IQANK1: variants seen among roughly 807,000 people sequenced by gnomAD.
IQANK1 encodes IQ motif and ankyrin repeat domain-containing protein 1.
IQANK1 carries 30 observed loss-of-function variants against 22.6 expected under a neutral mutation model. That is an observed-to-expected ratio of 1.33 (90% CI 0.99 to 1.80). IQANK1 has a LOEUF of 1.80. Among genes scored for constraint, IQANK1 ranks in the 40% most tolerant of loss-of-function variants. The pLI is 0.00. For missense variants in IQANK1, 275 were observed against 235.2 expected, an observed-to-expected ratio of 1.17 and a Z score of -1.11; for synonymous variants, 122 against 99.6, an observed-to-expected ratio of 1.23 and a Z score of -1.34.
chr8:143,740,733 C>T (rs1201188775), intron 3 of IQANK1, among the ~76,000 whole-genome samples: 1 of 152,224 alleles, frequency 6.6e-6, no homozygotes, highest in Non-Finnish European at 1.5e-5. Context: ...CACCTGTCCT[C>T]CCCAGCCCAG....
At chr8:143,764,999 C>T (rs1440935396) in intron 3 of IQANK1, among the ~76,000 whole-genome samples, 3 of 152,146 alleles carry the variant, frequency 2.0e-5, no homozygotes, top group African/African-American at 4.8e-5. Flanking sequence ...CAAATGTGTT[C>T]ACCATTCCCT....
chr8:143,777,068 G>A (rs1355277788), intron 7 of IQANK1, among the ~76,000 whole-genome samples: 2 of 152,110 alleles, frequency 1.3e-5, no homozygotes, highest in Non-Finnish European at 2.9e-5. Flanking sequence ...GGAGGCTGAA[G>A]TGAGACGTGA....
Position 143,774,579 on chromosome 8 carries a change from T to C in IQANK1, c.789+2097T>C, listed in dbSNP as rs1267094358. On this transcript the variant is annotated intron_variant, in intron 7 of 13. Coordinates refer to ENST00000527139, the MANE Select transcript of IQANK1 (RefSeq NM_001381874.1). The surrounding 1 kb of genome is among the most constrained non-coding windows in gnomAD (Gnocchi z 4.2). The stretch of plus-strand genomic sequence containing the variant: ...GGGGACGCAGCACCAGTACAGCCGC[T>C]CTTGCAAATAGGCAGGCGGTTTCTT... Among the ~76,000 whole-genome samples the C allele has an allele frequency of 6.6e-6, 1 of 152,196 alleles. No homozygotes were observed. Among genetic ancestry groups the C allele is most frequent in the Non-Finnish European group, 1.5e-5 (1 of 68,030 alleles).
At position 143,739,908 on chromosome 8, in the gene IQANK1, G is replaced by C; in HGVS notation, c.135G>C (p.Ala45=). The C allele has an allele frequency of 1.4e-6, 1 of 698,422 alleles. No homozygotes were observed. The highest frequency in any genetic ancestry group is 1.5e-5 in the South Asian group (1 of 66,782). 43.3% of individuals were successfully genotyped at this position (698,422 alleles called of 1,614,324 possible). The change falls in exon 3 of 14, where the codon GCG becomes GCC. Residue 45 remains alanine (A), a synonymous_variant. Transcript: ENST00000527139. ...RPPQRKAGWQ[A]REPASAESPQ... ...CGCAGAGGAAAGCGGGCTGGCAGGC[G>C]AGGGAGCCCGCGTCGGCTGAGAGCC...
chr8:143,749,027 AAAATATAAATATATATCATATATT>A (rs1819121398), intron 3 of IQANK1, among the ~76,000 whole-genome samples: 1 of 121,794 alleles, frequency 8.2e-6, no homozygotes, highest in Non-Finnish European at 1.6e-5. Flanking sequence ...ATAAAATATA[AAAATATAAATATATATCATATATT>A]AAATATAAAT....
At chr8:143,737,664 G>C (rs554727855) in intron 2 of IQANK1, among the ~76,000 whole-genome samples, 2 of 152,344 alleles carry the variant, frequency 1.3e-5, no homozygotes, top group Admixed American at 6.5e-5. Flanking sequence ...TGGGTCTGCA[G>C]TGCTTCGAAG....
rs1819577928 is a variant in IQANK1, at chr8:143,771,714, G to T, written c.307-87G>T. ...CGTGGTGGGGGTGAGGCTCAGATCG[G>T]GCTCCGACCTCAGAGGCGTGGACCG... On this transcript the variant is annotated intron_variant, in intron 4 of 13. Transcript: ENST00000527139. The surrounding 1 kb of genome is among the most constrained non-coding windows in gnomAD (Gnocchi z 6.0). 2.5e-6 allele frequency: 1 copy of T among 397,390 alleles called. No homozygotes were observed. Among genetic ancestry groups the T allele is most frequent in the African/African-American group, 2.1e-5 (1 of 48,462 alleles). 24.6% of individuals were successfully genotyped at this position (397,390 alleles called of 1,614,324 possible).
intron 3 of IQANK1, among the ~76,000 whole-genome samples, chr8:143,762,575 C>T (rs542452327): frequency 6.6e-6 from 1 of 152,290 alleles, no homozygotes; most frequent in Admixed American, 6.5e-5. Context: ...CCACCAAGCT[C>T]CCTGTGGACA....
chr8:143,789,622 G>GT, intron 10 of IQANK1, 94 bp downstream of exon 10: 1 of 1,223,714 alleles, frequency 8.2e-7, no homozygotes, highest in Non-Finnish European at 1.0e-6. Flanking sequence ...CAGGCCTGGG[G>GT]TTTTTCCCTC....
intron 3 of IQANK1, chr8:143,743,230 C>T (rs782212594): frequency 5.6e-6 from 2 of 357,710 alleles, no homozygotes; most frequent in Non-Finnish European, 5.5e-6. Flanking sequence ...TGTTTTGTTC[C>T]GTTTTGTTTT....
At chr8:143,749,951 A>G (rs1207051048) in intron 3 of IQANK1, among the ~76,000 whole-genome samples, 2 of 151,680 alleles carry the variant, frequency 1.3e-5, no homozygotes, top group East Asian at 3.9e-4. Flanking sequence ...TTTTTGATAT[A>G]TAATGTCCTT....
At position 143,743,905 on chromosome 8, in the gene IQANK1, C is replaced by T. The variant is rs117628005; in HGVS notation, c.175+3957C>T. On this transcript the variant is annotated intron_variant, in intron 3 of 13. Coordinates refer to ENST00000527139, the MANE Select transcript of IQANK1 (RefSeq NM_001381874.1). ...CAGGCTGGAGTGCACTGGGGCTTGGCTCACTGCTACCTCCGCCTCCCAGGT... is the reference window on the plus strand; with the variant it reads ...CAGGCTGGAGTGCACTGGGGCTTGGTTCACTGCTACCTCCGCCTCCCAGGT... 262 of 420,688 alleles carry T rather than the reference C, an allele frequency of 6.2e-4. 3 individuals carry two copies. In the East Asian group the frequency reaches 0.01, roughly 16 times the overall value. 26.1% of individuals were successfully genotyped at this position (420,688 alleles called of 1,614,324 possible).
In IQANK1 at chr8:143,777,388, C is replaced by T. The variant is rs181227423; in HGVS notation, c.789+4906C>T. 6.2e-3 allele frequency among the ~76,000 whole-genome samples: 944 copies of T among 151,492 alleles called. 20 individuals are homozygous for T. The South Asian group carries it at 0.089, about 14-fold the overall frequency. ...AAAATTTGCTGGGCATGGTGGCAGG[C>T]GCCTGTAATCCCAGCTGCTCAGGGG... On this transcript the variant is annotated intron_variant, in intron 7 of 13. Coordinates refer to ENST00000527139, the MANE Select transcript of IQANK1 (RefSeq NM_001381874.1).
At chr8:143,783,592 T>C (rs557709644) in intron 7 of IQANK1, among the ~76,000 whole-genome samples, 115 of 152,356 alleles carry the variant, frequency 7.5e-4, no homozygotes, top group African/African-American at 2.7e-3. Context: ...TAGTAAATTT[T>C]ATCATTCTTT....
chr8:143,769,484 G>A (rs139248644), intron 3 of IQANK1, among the ~76,000 whole-genome samples: 6 of 152,272 alleles, frequency 3.9e-5, no homozygotes, highest in African/African-American at 9.6e-5. Context: ...AGGCCACTGC[G>A]CTTGGCCTAA....
chr8:143,748,973 T>G (rs1273044911), intron 3 of IQANK1, among the ~76,000 whole-genome samples: 1 of 115,546 alleles, frequency 8.7e-6, no homozygotes, highest in Admixed American at 1.1e-4. Context: ...ATATCATATA[T>G]AAATATATCA....
intron 3 of IQANK1, among the ~76,000 whole-genome samples, chr8:143,749,156 ATG>A (rs1372839817): frequency 7.7e-5 from 9 of 117,428 alleles, no homozygotes; most frequent in Non-Finnish European, 4.6e-5. Flanking sequence ...CATGATATAA[ATG>A]TATATATCAA....
At chr8:143,753,722 T>C (rs1819238204) in intron 3 of IQANK1, among the ~76,000 whole-genome samples, 1 of 152,218 alleles carries the variant, frequency 6.6e-6, no homozygotes, top group South Asian at 2.1e-4. Flanking sequence ...CCCAAAATGT[T>C]GCGATTATAG....
intron 3 of IQANK1, chr8:143,745,321 G>A (rs145990744): frequency 0.024 from 3,692 of 152,320 alleles, 70 homozygotes; most frequent in Middle Eastern, 0.065. Flanking sequence ...TTGATATCAG[G>A]GCAATCAGTT....
Sources: allele counts gnomAD v4.1 joint callset (sites outside exome capture counted in the v4.1 genomes callset), GRCh38; gene constraint gnomAD v4.1.1; non-coding constraint Gnocchi (gnomAD v3.1); transcripts MANE v1.5; gene names NCBI Gene and HGNC (gene_info 2026-07-23, HGNC 2026-07-21).